Variants in MGMT observed in about 807,000 individuals in gnomAD.
MGMT encodes the protein O-6-methylguanine-DNA methyltransferase.
In MGMT, 14 loss-of-function variants were observed where a neutral mutation model predicts 15.9. The observed-to-expected ratio is 0.88, with a 90% CI of 0.58 to 1.37. The LOEUF is 1.37. MGMT is among the 40% of genes most tolerant of loss of function. MGMT has a pLI of 0.00. For synonymous variants in MGMT, 130 were observed against 118.2 expected (o/e 1.10, Z -0.65); for missense variants, 282 against 268.1 (o/e 1.05, Z -0.36).
Position 129,769,931 on chromosome 10 carries a change from G to T in MGMT, c.*2934G>T, listed in dbSNP as rs905693012. On this transcript the variant is annotated 3_prime_UTR_variant, in exon 5 of 5. Coordinates refer to ENST00000651593, the MANE Select transcript of MGMT (RefSeq NM_002412.5). Reference sequence around the variant, plus strand: ...TGAATTTGCACTTCCAGATGTGAAGGTTGCAGGCACCGGGCGTTGCAGAGG... The same window carrying T: ...TGAATTTGCACTTCCAGATGTGAAGTTTGCAGGCACCGGGCGTTGCAGAGG... Among the ~76,000 whole-genome samples the T allele has an allele frequency of 2.6e-5, 4 of 152,200 alleles. No individual in the cohort carries two copies. The highest frequency in any genetic ancestry group is 2.0e-4 in the Admixed American group (3 of 15,282).
chr10:129,663,075 G>A (rs1389260176), intron 2 of MGMT, among the ~76,000 whole-genome samples: 1 of 152,106 alleles, frequency 6.6e-6, no homozygotes, highest in African/African-American at 2.4e-5. Context: ...AAATGCATTC[G>A]CTGAGTAGAA....
chr10:129,737,554 C>T (rs975742472), intron 3 of MGMT, among the ~76,000 whole-genome samples: 4 of 152,190 alleles, frequency 2.6e-5, no homozygotes, highest in Non-Finnish European at 5.9e-5. Context: ...TCTCTCAACT[C>T]GTCAAAGTCA....
chr10:129,738,480 G>T (rs1203318334), intron 3 of MGMT, among the ~76,000 whole-genome samples: 1 of 152,192 alleles, frequency 6.6e-6, no homozygotes, highest in East Asian at 1.9e-4. Context: ...GATGAATCCG[G>T]TACCTCAGAT....
chr10:129,523,411 TAAA>T (rs1845834534), intron 1 of MGMT, among the ~76,000 whole-genome samples: 1 of 59,052 alleles, frequency 1.7e-5, no homozygotes, highest in Non-Finnish European at 4.9e-5. Flanking sequence ...CCTAGTAAAC[TAAA>T]GGAATCATGC....
chr10:129,632,362 A>C (rs568534275), intron 2 of MGMT, among the ~76,000 whole-genome samples: 1 of 152,298 alleles, frequency 6.6e-6, no homozygotes, highest in South Asian at 2.1e-4. Context: ...TCATTAGCAC[A>C]AGTGCTCCAT....
chr10:129,756,746 G>T (rs999208584), intron 3 of MGMT, among the ~76,000 whole-genome samples: 1 of 152,196 alleles, frequency 6.6e-6, no homozygotes, highest in Middle Eastern at 3.2e-3. Flanking sequence ...GGGATTACAG[G>T]CGTGAGCCAC....
chr10:129,577,360 AG>A (rs559888597), intron 2 of MGMT, among the ~76,000 whole-genome samples: 110 of 152,344 alleles, frequency 7.2e-4, no homozygotes, highest in African/African-American at 2.5e-3. Context: ...GGAACAGAAC[AG>A]AGCCCTCAGA....
chr10:129,595,079 G>C (rs900623244), intron 2 of MGMT, among the ~76,000 whole-genome samples: 2 of 152,172 alleles, frequency 1.3e-5, no homozygotes, highest in African/African-American at 4.8e-5. Context: ...AGGGTCCTGT[G>C]ATCCAGTGTT....
At chr10:129,609,978 T>C (rs1263660273) in intron 2 of MGMT, among the ~76,000 whole-genome samples, 1 of 152,164 alleles carries the variant, frequency 6.6e-6, no homozygotes, top group Admixed American at 6.5e-5. Flanking sequence ...TGGATTTTGC[T>C]GTTGAAAAGC....
At chr10:129,646,736 A>ATTTTT (rs1847394698) in intron 2 of MGMT, among the ~76,000 whole-genome samples, 1 of 99,400 alleles carries the variant, frequency 1.0e-5, no homozygotes. Flanking sequence ...ATATATATAT[A>ATTTTT]TATATATATA....
At chr10:129,761,027 C>A (rs535551740) in intron 4 of MGMT, among the ~76,000 whole-genome samples, 2 of 152,268 alleles carry the variant, frequency 1.3e-5, no homozygotes, top group South Asian at 4.1e-4. Flanking sequence ...TGACATTTCC[C>A]AATAAAACTT....
intron 4 of MGMT, among the ~76,000 whole-genome samples, chr10:129,761,970 A>G (rs148270238): frequency 6.6e-5 from 10 of 152,222 alleles, no homozygotes; most frequent in Non-Finnish European, 1.5e-4. Context: ...GTAGTTTACT[A>G]TGGTTCAGGT....
intron 2 of MGMT, among the ~76,000 whole-genome samples, chr10:129,695,740 C>T (rs935661006): frequency 6.6e-6 from 1 of 152,124 alleles, no homozygotes; most frequent in African/African-American, 2.4e-5. Context: ...TTAATAGAGA[C>T]GACAAATCAG....
chr10:129,761,526 CATTT>C, intron 4 of MGMT, among the ~76,000 whole-genome samples: 1 of 152,350 alleles, frequency 6.6e-6, no homozygotes, highest in Middle Eastern at 3.4e-3. Flanking sequence ...TATTCGGAGA[CATTT>C]ATTGTTCTGC....
chr10:129,607,182 T>C (rs1846901873), intron 2 of MGMT, among the ~76,000 whole-genome samples: 1 of 151,826 alleles, frequency 6.6e-6, no homozygotes, highest in African/African-American at 2.4e-5. Context: ...TAGTAGGCCA[T>C]GGTGGAAGGA....
At chr10:129,714,091 G>GGTTTCA (rs1848264904) in intron 3 of MGMT, among the ~76,000 whole-genome samples, 1 of 152,256 alleles carries the variant, frequency 6.6e-6, no homozygotes. Context: ...CCAAAAGCCT[G>GGTTTCA]GTTTCAGCAG....
rs1165507827 is a variant in MGMT, at chr10:129,769,811, A to G, written c.*2814A>G. Among the ~76,000 whole-genome samples the G allele has an allele frequency of 6.6e-6, 1 of 152,160 alleles. No individual in the cohort carries two copies. Among genetic ancestry groups the G allele is most frequent in the Non-Finnish European group, 1.5e-5 (1 of 68,024 alleles). On this transcript the variant is annotated 3_prime_UTR_variant, in exon 5 of 5. Transcript: ENST00000651593. ...TCTGTGAGGCCAGAGAAGAGAAGCTATGACCGTGCAAACATGCATGTTATG... is the reference window on the plus strand; with the variant it reads ...TCTGTGAGGCCAGAGAAGAGAAGCTGTGACCGTGCAAACATGCATGTTATG...
At chr10:129,699,360 G>A (rs967899299) in intron 2 of MGMT, among the ~76,000 whole-genome samples, 13 of 151,864 alleles carry the variant, frequency 8.6e-5, no homozygotes, top group African/African-American at 3.1e-4. Context: ...ATTTTTGGTG[G>A]GTGTTTTAAA....
chr10:129,744,750 A>C (rs952690260), intron 3 of MGMT, among the ~76,000 whole-genome samples: 1 of 152,212 alleles, frequency 6.6e-6, no homozygotes, highest in African/African-American at 2.4e-5. Context: ...CTGGCCCGCC[A>C]CATCGCCAGC....
Sources: gnomAD v4.1 joint callset for allele counts (sites outside exome capture counted in the v4.1 genomes callset) on GRCh38, gnomAD v4.1.1 for gene constraint, MANE v1.5 for transcripts, NCBI Gene and HGNC (gene_info 2026-07-23, HGNC 2026-07-21) for gene names.